The following ANKRD6 variants were observed in gnomAD, a reference collection of about 807,000 sequenced individuals.
The protein encoded by ANKRD6 is ankyrin repeat domain 6.
In ANKRD6, 56 loss-of-function variants were observed where a neutral mutation model predicts 82.3. The ratio of observed to expected loss-of-function variants is 0.68; its 90% confidence interval spans 0.55 to 0.85. The LOEUF (loss-of-function observed/expected upper bound fraction) is 0.85. Ranked by LOEUF, ANKRD6 falls within the 40% of genes least tolerant of loss-of-function variation. The probability of loss-of-function intolerance (pLI) is 0.00; values close to 1 mark genes in which losing one functional copy is unlikely to be tolerated. For missense variants in ANKRD6, 852 were observed against 907.6 expected (o/e 0.94, Z 0.79); for synonymous variants, 347 against 352.1 (o/e 0.99, Z 0.16).
chr6:89,497,171 A>G (rs1287309281), intron 1 of ANKRD6, among the ~76,000 whole-genome samples: 1 of 152,246 alleles, frequency 6.6e-6, no homozygotes, highest in Non-Finnish European at 1.5e-5. Context: ...CAAACAAAAA[A>G]TTACTTTGCA....
chr6:89,629,407 T>A, intron 15 of ANKRD6, 169 bp downstream of exon 15: 2 of 885,570 alleles, frequency 2.3e-6, no homozygotes, highest in Admixed American at 2.0e-5. Context: ...ATATACTCAG[T>A]TGCTATGTAA....
At chr6:89,624,491 G>A in intron 12 of ANKRD6, 48 bp from the exon 13 acceptor site, 2 of 1,544,600 alleles carry the variant, frequency 1.3e-6, no homozygotes, top group Non-Finnish European at 1.8e-6. Flanking sequence ...AAACATACCT[G>A]ATGAAGGAAT....
intron 5 of ANKRD6, among the ~76,000 whole-genome samples, chr6:89,609,277 A>T (rs1241577832): frequency 6.6e-6 from 1 of 152,096 alleles, no homozygotes; most frequent in Non-Finnish European, 1.5e-5. Context: ...TATGGTCTGG[A>T]ACAGGAGTTG....
intron 1 of ANKRD6, among the ~76,000 whole-genome samples, chr6:89,551,354 C>T (rs1215950506): frequency 6.6e-6 from 1 of 152,204 alleles, no homozygotes; most frequent in Admixed American, 6.5e-5. Flanking sequence ...CCTCTTCCCA[C>T]CATGCTGTTT....
intron 1 of ANKRD6, among the ~76,000 whole-genome samples, chr6:89,458,914 T>C (rs1014555991): frequency 1.3e-5 from 2 of 152,178 alleles, no homozygotes; most frequent in African/African-American, 4.8e-5. Context: ...TTCAGCACCA[T>C]GGGCAGCTAC....
chr6:89,456,540 G>A (rs1773533698), intron 1 of ANKRD6, among the ~76,000 whole-genome samples: 1 of 152,148 alleles, frequency 6.6e-6, no homozygotes, highest in Non-Finnish European at 1.5e-5. Flanking sequence ...CTGGGTTAGG[G>A]CCTACCCTAA....
chr6:89,456,502 G>C (rs570787821), intron 1 of ANKRD6, among the ~76,000 whole-genome samples: 2 of 152,150 alleles, frequency 1.3e-5, no homozygotes, highest in Non-Finnish European at 2.9e-5. Flanking sequence ...GCCTCTGTGC[G>C]TGTGCATCCT....
intron 1 of ANKRD6, among the ~76,000 whole-genome samples, chr6:89,450,349 T>C (rs1772655134): frequency 6.6e-6 from 1 of 150,968 alleles, no homozygotes. Context: ...ATTCAGAAAC[T>C]TCATTGTTGT....
rs202181739 is a variant in ANKRD6, at chr6:89,630,725, A to G, written c.1905A>G (p.Gln635=). The change falls in exon 16 of 16, where the codon CAA becomes CAG. Residue 635 remains glutamine, a synonymous_variant. Transcript: ENST00000339746. The part of the protein sequence containing the change: ...KSGPTRHRAQ[Q]PAASSTCGQP... ...GGCCAACAAGGCATCGTGCCCAGCA[A>G]CCCGCAGCCAGCAGCACCTGTGGGC... The G allele has an allele frequency of 1.6e-3, 2,603 of 1,613,732 alleles. 4 individuals carry two copies. Among genetic ancestry groups the G allele is most frequent in the Non-Finnish European group, 2.0e-3 (2,373 of 1,179,854 alleles).
intron 1 of ANKRD6, among the ~76,000 whole-genome samples, chr6:89,446,169 A>G (rs752805793): frequency 4.0e-5 from 6 of 151,736 alleles, no homozygotes; most frequent in African/African-American, 1.5e-4. Flanking sequence ...CCTGACCAAC[A>G]TGGTGAAACT....
At chr6:89,616,789 C>T in intron 8 of ANKRD6, 132 bp downstream of exon 8, 5 of 895,028 alleles carry the variant, frequency 5.6e-6, no homozygotes, top group Non-Finnish European at 9.1e-6. Flanking sequence ...GGAACCACAG[C>T]CCCCAGGGCC....
In ANKRD6 at chr6:89,481,969, A is replaced by G. The variant is rs187246901; in HGVS notation, c.-144+48594A>G. The stretch of plus-strand genomic sequence containing the variant: ...AAAGCACCTCTTTTGATTCTCTCAT[A>G]ACATAGACAGAAAGATGAGCTTTCC... On this transcript the variant is annotated intron_variant, in intron 1 of 15. Coordinates refer to ENST00000339746, the MANE Select transcript of ANKRD6 (RefSeq NM_001242809.2). Among the ~76,000 whole-genome samples, 7 of 152,298 alleles carry G rather than the reference A, an allele frequency of 4.6e-5. No individual in the cohort carries two copies. In the East Asian group the frequency reaches 1.4e-3, roughly 29 times the overall value.
At chr6:89,539,873 C>CAA (rs749956078) in intron 1 of ANKRD6, among the ~76,000 whole-genome samples, 5 of 135,322 alleles carry the variant, frequency 3.7e-5, no homozygotes, top group Admixed American at 7.4e-5. Context: ...TTGGATTCTA[C>CAA]AAAAAAAAAA....
chr6:89,441,874 T>C (rs1016224120), intron 1 of ANKRD6, among the ~76,000 whole-genome samples: 7 of 152,062 alleles, frequency 4.6e-5, no homozygotes, highest in African/African-American at 1.7e-4. Context: ...TCAGGTGATC[T>C]GCCTGCCTTG....
At chr6:89,554,864 G>A (rs1035501179) in intron 1 of ANKRD6, among the ~76,000 whole-genome samples, 6 of 152,182 alleles carry the variant, frequency 3.9e-5, no homozygotes, top group African/African-American at 1.4e-4. Flanking sequence ...AAATTAACTT[G>A]TAAATGCATT....
intron 1 of ANKRD6, among the ~76,000 whole-genome samples, chr6:89,434,966 C>G (rs1582555850): frequency 6.6e-6 from 1 of 152,152 alleles, no homozygotes; most frequent in East Asian, 1.9e-4. Flanking sequence ...AGGTATAAAC[C>G]AATGGTAATT....
chr6:89,596,382 G>C (rs1361706057), intron 3 of ANKRD6, among the ~76,000 whole-genome samples: 1 of 152,174 alleles, frequency 6.6e-6, no homozygotes. Context: ...AGACTTGCCG[G>C]AAATGTGTGT....
intron 1 of ANKRD6, among the ~76,000 whole-genome samples, chr6:89,566,490 T>G (rs1788553091): frequency 6.6e-6 from 1 of 152,232 alleles, no homozygotes; most frequent in Non-Finnish European, 1.5e-5. Context: ...TACAGTTCCC[T>G]GCCAAAGGCG....
intron 1 of ANKRD6, among the ~76,000 whole-genome samples, chr6:89,471,069 G>A (rs1775392769): frequency 6.6e-6 from 1 of 152,008 alleles, no homozygotes; most frequent in Non-Finnish European, 1.5e-5. Flanking sequence ...ACACTTATGT[G>A]TTTTCCTTCA....
Sources: gnomAD v4.1 joint callset for allele counts (sites outside exome capture counted in the v4.1 genomes callset) on GRCh38, gnomAD v4.1.1 for gene constraint, MANE v1.5 for transcripts, NCBI Gene and HGNC (gene_info 2026-07-23, HGNC 2026-07-21) for gene names.